The following XKR9 variants were observed in gnomAD, a reference collection of about 807,000 sequenced individuals.
XKR9 encodes the protein XK-related protein 9.
A neutral mutation model predicts 32.0 loss-of-function variants in XKR9; 32 were observed. The ratio of observed to expected loss-of-function variants is 1.00; its 90% CI spans 0.76 to 1.34. XKR9 has a LOEUF of 1.34. XKR9 is among the 40% of genes most tolerant of loss of function. XKR9 has a pLI of 0.00. For synonymous variants in XKR9, 168 were observed against 143.4 expected (o/e 1.17, Z -1.22); for missense variants, 546 against 429.7 (o/e 1.27, Z -2.39).
chr8:70,787,483 A>G (rs962052302), intron 2 of XKR9, among the ~76,000 whole-genome samples: 1 of 152,120 alleles, frequency 6.6e-6, no homozygotes, highest in Non-Finnish European at 1.5e-5. Flanking sequence ...CTAGAAACCC[A>G]GGACCTGAGG....
At chr8:70,992,962 C>G in the XKR9 span, among the ~76,000 whole-genome samples, 47 of 152,356 alleles carry the variant, frequency 3.1e-4, no homozygotes, top group Non-Finnish European at 5.9e-4. Flanking sequence ...ACTTGGATAA[C>G]TCAATCTCTT....
the XKR9 span, among the ~76,000 whole-genome samples, chr8:70,848,517 A>G: frequency 6.6e-6 from 1 of 152,094 alleles, no homozygotes; most frequent in Non-Finnish European, 1.5e-5. Flanking sequence ...TTGTTCACAG[A>G]TGGCATAATT....
chr8:70,986,012 C>G, the XKR9 span, among the ~76,000 whole-genome samples: 1 of 152,004 alleles, frequency 6.6e-6, no homozygotes, highest in African/African-American at 2.4e-5. Context: ...TGGTGAAATT[C>G]CTTATATCAG....
At chr8:70,947,677 C>T in the XKR9 span, among the ~76,000 whole-genome samples, 3 of 152,222 alleles carry the variant, frequency 2.0e-5, no homozygotes, top group Non-Finnish European at 4.4e-5. Flanking sequence ...TACCTAGGCT[C>T]ACTTGTGAAC....
chr8:71,025,137 A>G, the XKR9 span, among the ~76,000 whole-genome samples: 1 of 152,378 alleles, frequency 6.6e-6, no homozygotes, highest in East Asian at 1.9e-4. Flanking sequence ...TTTGCTCCAA[A>G]GTGGCATAGC....
chr8:70,805,509 C>T, the XKR9 span, among the ~76,000 whole-genome samples: 1 of 152,154 alleles, frequency 6.6e-6, no homozygotes, highest in Non-Finnish European at 1.5e-5. Context: ...ACGCTAAGCT[C>T]CCTGGGTGGG....
chr8:70,866,564 G>T, the XKR9 span, among the ~76,000 whole-genome samples: 2 of 152,138 alleles, frequency 1.3e-5, no homozygotes, highest in Non-Finnish European at 2.9e-5. Flanking sequence ...GAGATTGGTA[G>T]GAGTATTTCT....
At chr8:70,899,582 C>G in the XKR9 span, among the ~76,000 whole-genome samples, 4 of 152,106 alleles carry the variant, frequency 2.6e-5, no homozygotes, top group African/African-American at 9.7e-5. Context: ...AGCTTGGGCT[C>G]TCTTTGCACT....
intron 2 of XKR9, among the ~76,000 whole-genome samples, chr8:70,765,409 A>C (rs1807362250): frequency 6.6e-6 from 1 of 152,166 alleles, no homozygotes. Flanking sequence ...GTGTTTGTTC[A>C]TATCTTTGTC....
At chr8:70,750,592 G>T (rs1004113903) in intron 2 of XKR9, among the ~76,000 whole-genome samples, 4 of 152,084 alleles carry the variant, frequency 2.6e-5, no homozygotes, top group African/African-American at 9.7e-5. Context: ...TATGAAGATT[G>T]CCACTGGAGT....
chr8:70,705,236 T>G (rs973777380), intron 3 of XKR9, among the ~76,000 whole-genome samples: 3 of 152,218 alleles, frequency 2.0e-5, no homozygotes, highest in Admixed American at 2.0e-4. Context: ...ACCTATTATG[T>G]GCCGATTCTT....
chr8:70,902,085 A>C, the XKR9 span, among the ~76,000 whole-genome samples: 1 of 152,250 alleles, frequency 6.6e-6, no homozygotes, highest in South Asian at 2.1e-4. Context: ...GTCAGGTAGC[A>C]TGATACCTCC....
chr8:70,842,321 G>A, the XKR9 span, among the ~76,000 whole-genome samples: 1 of 151,938 alleles, frequency 6.6e-6, no homozygotes, highest in Non-Finnish European at 1.5e-5. Context: ...TTACCATTTG[G>A]CACCAAAAGA....
chr8:70,731,145 T>C (rs542270975), intron 4 of XKR9, among the ~76,000 whole-genome samples: 3 of 152,258 alleles, frequency 2.0e-5, no homozygotes, highest in Non-Finnish European at 1.5e-5. Flanking sequence ...GAAAGACAAA[T>C]TCTTAGCACA....
intron 2 of XKR9, among the ~76,000 whole-genome samples, chr8:70,760,947 T>C (rs1807300658): frequency 6.6e-6 from 1 of 152,180 alleles, no homozygotes; most frequent in African/African-American, 2.4e-5. Flanking sequence ...CCCACTTACA[T>C]GTGAGAACAT....
At chr8:70,718,550 T>G (rs1315603435) in intron 4 of XKR9, among the ~76,000 whole-genome samples, 1 of 152,134 alleles carries the variant, frequency 6.6e-6, no homozygotes, top group Non-Finnish European at 1.5e-5. Context: ...CAACTCCCAT[T>G]TATGAGTGAG....
the XKR9 span, among the ~76,000 whole-genome samples, chr8:70,928,626 C>T: frequency 6.6e-6 from 1 of 152,020 alleles, no homozygotes; most frequent in African/African-American, 2.4e-5. Flanking sequence ...AGCCTGGGTG[C>T]TCTTCCCTAG....
chr8:71,065,281 G>A, the XKR9 span, among the ~76,000 whole-genome samples: 1 of 152,146 alleles, frequency 6.6e-6, no homozygotes, highest in African/African-American at 2.4e-5. Flanking sequence ...TAAGAGTGGG[G>A]TTCTAATCTG....
chr8:70,792,472 G>T (rs1003177614), downstream of XKR9, among the ~76,000 whole-genome samples: 4 of 152,114 alleles, frequency 2.6e-5, no homozygotes, highest in Middle Eastern at 3.2e-3. Flanking sequence ...TTGCTTCAGG[G>T]TGTCATGTAC....
Sources: gnomAD v4.1 joint callset for allele counts (sites outside exome capture counted in the v4.1 genomes callset) on GRCh38, gnomAD v4.1.1 for gene constraint, MANE v1.5 for transcripts, NCBI Gene and HGNC (gene_info 2026-07-23, HGNC 2026-07-21) for gene names.